EXOC4: variants seen among roughly 807,000 people sequenced by gnomAD.
EXOC4 encodes the protein exocyst complex component 4.
Under a neutral mutation model 107.2 loss-of-function variants are expected in EXOC4, and 71 were observed. That is an observed-to-expected ratio of 0.66 (90% CI 0.55 to 0.81). The LOEUF is 0.81. Ranked by LOEUF, EXOC4 falls within the 30% of genes least tolerant of loss-of-function variation. The pLI is 0.00. For synonymous variants in EXOC4, 456 were observed against 441.2 expected (o/e 1.03, Z -0.42); for missense variants, 1,108 against 1,189.6 (o/e 0.93, Z 1.01).
At chr7:133,766,831 G>GTA (rs1562988780) in intron 10 of EXOC4, among the ~76,000 whole-genome samples, 1 of 151,888 alleles carries the variant, frequency 6.6e-6, no homozygotes, top group Admixed American at 6.6e-5. Context: ...CAGATACTTA[G>GTA]TATATGTGTA....
chr7:133,737,067 G>A (rs1452965639), intron 10 of EXOC4, among the ~76,000 whole-genome samples: 1 of 152,082 alleles, frequency 6.6e-6, no homozygotes, highest in Non-Finnish European at 1.5e-5. Context: ...CCTATACACT[G>A]CTTCTTAATT....
chr7:134,078,000 A>G, the EXOC4 span, among the ~76,000 whole-genome samples: 13 of 152,242 alleles, frequency 8.5e-5, no homozygotes. Flanking sequence ...ATTAGATAAT[A>G]TTATCAAGAC....
At chr7:133,849,291 A>G (rs1222523142) in intron 11 of EXOC4, among the ~76,000 whole-genome samples, 6 of 152,130 alleles carry the variant, frequency 3.9e-5, no homozygotes, top group Admixed American at 3.9e-4. Context: ...ATGGTGGCAC[A>G]TGCCTATAGT....
At chr7:133,537,424 G>C (rs1209236951) in intron 9 of EXOC4, among the ~76,000 whole-genome samples, 1 of 151,848 alleles carries the variant, frequency 6.6e-6, no homozygotes, top group African/African-American at 2.4e-5. Context: ...CTCCCAAATT[G>C]CTGGGATTAC....
chr7:133,812,460 A>G (rs1797256145), intron 10 of EXOC4, among the ~76,000 whole-genome samples: 2 of 152,150 alleles, frequency 1.3e-5, no homozygotes, highest in South Asian at 4.2e-4. Flanking sequence ...TCCTCTCTTG[A>G]CCACTCTCCT....
rs182401135 is a variant in EXOC4, at chr7:133,580,298, C to T, written c.1418-49747C>T. ...GGCTTTTGTGAATAATGCTGCTCCA[C>T]GAACATGGGTATACAAATATTTTTT... On this transcript the variant is annotated intron_variant, in intron 9 of 17. Coordinates refer to ENST00000253861, the MANE Select transcript of EXOC4 (RefSeq NM_021807.4). Among the ~76,000 whole-genome samples the T allele has an allele frequency of 1.1e-4, 17 of 152,264 alleles. No individual in the cohort carries two copies. The East Asian group carries it at 1.4e-3, about 12-fold the overall frequency.
chr7:133,926,696 A>G (rs1392069819), intron 13 of EXOC4, among the ~76,000 whole-genome samples: 4 of 152,246 alleles, frequency 2.6e-5, no homozygotes, highest in African/African-American at 9.6e-5. Context: ...TAAAAATGAT[A>G]TAAAATAAAT....
intron 9 of EXOC4, among the ~76,000 whole-genome samples, chr7:133,536,792 C>T (rs997661184): frequency 6.6e-6 from 1 of 152,000 alleles, no homozygotes; most frequent in East Asian, 1.9e-4. Context: ...CCCTCCTGGT[C>T]CAAGGTGGGT....
chr7:133,696,891 G>C (rs1419762819), intron 10 of EXOC4, among the ~76,000 whole-genome samples: 2 of 152,234 alleles, frequency 1.3e-5, no homozygotes, highest in Admixed American at 6.5e-5. Flanking sequence ...TTTTCTTTCT[G>C]ATGATTTTAC....
At chr7:133,644,812 T>G (rs764531697) in intron 10 of EXOC4, among the ~76,000 whole-genome samples, 2 of 152,150 alleles carry the variant, frequency 1.3e-5, no homozygotes, top group African/African-American at 2.4e-5. Context: ...CCCTCACGCC[T>G]AGGCCCTCAG....
At chr7:133,356,690 G>A (rs1796028228) in intron 6 of EXOC4, 117 bp downstream of exon 6, 2 of 1,201,798 alleles carry the variant, frequency 1.7e-6, no homozygotes, top group Non-Finnish European at 2.3e-6. Context: ...GGATACTATA[G>A]CCCATACAGG....
chr7:133,260,243 T>C (rs1401021126), intron 1 of EXOC4, among the ~76,000 whole-genome samples: 1 of 152,104 alleles, frequency 6.6e-6, no homozygotes, highest in African/African-American at 2.4e-5. Context: ...TTTAAAGTTA[T>C]GAAGACATAG....
At chr7:133,671,123 G>A (rs963531851) in intron 10 of EXOC4, among the ~76,000 whole-genome samples, 6 of 152,180 alleles carry the variant, frequency 3.9e-5, no homozygotes, top group East Asian at 1.9e-4. Flanking sequence ...GGAGTGTGTC[G>A]AAGATGACAT....
intron 10 of EXOC4, among the ~76,000 whole-genome samples, chr7:133,725,139 C>T (rs1795187259): frequency 6.6e-6 from 1 of 152,122 alleles, no homozygotes; most frequent in South Asian, 2.1e-4. Flanking sequence ...TGCCAATGCA[C>T]CTGAGGAACT....
chr7:133,939,118 G>A (rs534288176), intron 14 of EXOC4, among the ~76,000 whole-genome samples: 620 of 152,256 alleles, frequency 4.1e-3, no homozygotes, highest in Non-Finnish European at 7.0e-3. Flanking sequence ...GAAACAGCAG[G>A]AAGGATAAGG....
chr7:133,602,182 G>C (rs1801824350), intron 9 of EXOC4, among the ~76,000 whole-genome samples: 1 of 152,148 alleles, frequency 6.6e-6, no homozygotes, highest in Non-Finnish European at 1.5e-5. Context: ...ATATGTAAAA[G>C]GGTTTTGGAA....
chr7:133,909,289 A>G (rs1799636224), intron 12 of EXOC4, among the ~76,000 whole-genome samples: 1 of 152,172 alleles, frequency 6.6e-6, no homozygotes, highest in South Asian at 2.1e-4. Context: ...TTACACCTTA[A>G]TGGAGGGAGC....
At chr7:133,525,534 T>G (rs940063904) in intron 9 of EXOC4, among the ~76,000 whole-genome samples, 1 of 152,006 alleles carries the variant, frequency 6.6e-6, no homozygotes, top group Non-Finnish European at 1.5e-5. Flanking sequence ...TGAAATAGAG[T>G]TTTTAATACT....
chr7:133,876,745 A>T (rs1187618098), intron 11 of EXOC4, among the ~76,000 whole-genome samples: 1 of 152,020 alleles, frequency 6.6e-6, no homozygotes, highest in Non-Finnish European at 1.5e-5. Flanking sequence ...GTAAAGAGAA[A>T]ATCAAATTGG....
Sources: gnomAD v4.1 joint callset for allele counts (sites outside exome capture counted in the v4.1 genomes callset) on GRCh38, gnomAD v4.1.1 for gene constraint, MANE v1.5 for transcripts, NCBI Gene and HGNC (gene_info 2026-07-23, HGNC 2026-07-21) for gene names.